Variants in ACSM3 observed in about 807,000 individuals in gnomAD.
ACSM3 encodes acyl-coenzyme A synthetase ACSM3, mitochondrial.
Under a neutral mutation model 74.1 loss-of-function variants are expected in ACSM3, and 61 were observed. The observed-to-expected ratio is 0.82, with a 90% confidence interval of 0.67 to 1.02. The LOEUF (loss-of-function observed/expected upper bound fraction) is 1.02. ACSM3 is among the 50% of genes least tolerant of loss of function. The probability of loss-of-function intolerance (pLI) is 0.00; values close to 1 mark genes in which losing one functional copy is unlikely to be tolerated. For synonymous variants in ACSM3, 213 were observed against 241.5 expected (o/e 0.88, Z 1.09); for missense variants, 660 against 697.0 (o/e 0.95, Z 0.60).
chr16:20,708,602 G>A (rs1386340268), intron 1 of ACSM3, among the ~76,000 whole-genome samples: 1 of 151,788 alleles, frequency 6.6e-6, no homozygotes, highest in African/African-American at 2.4e-5. Context: ...AAACACTGAT[G>A]GAAAAAATTG....
chr16:20,770,546 G>A (rs187498511), intron 2 of ACSM3, among the ~76,000 whole-genome samples: 1 of 151,850 alleles, frequency 6.6e-6, no homozygotes, highest in African/African-American at 2.4e-5. Flanking sequence ...AAAAAAAGGA[G>A]AAGAGTGAAA....
intron 1 of ACSM3, among the ~76,000 whole-genome samples, chr16:20,745,452 G>A (rs2079953655): frequency 6.6e-6 from 1 of 152,110 alleles, no homozygotes; most frequent in South Asian, 2.1e-4. Flanking sequence ...GCATGGTGGT[G>A]CATGCCTGTA....
intron 9 of ACSM3, among the ~76,000 whole-genome samples, chr16:20,789,248 T>C (rs77688657): frequency 0.05 from 7,562 of 152,278 alleles, 417 homozygotes; most frequent in African/African-American, 0.13. Context: ...AGCTCAATCA[T>C]GCACAGTGTT....
At chr16:20,774,239 C>CTTTT (rs71377684) in intron 2 of ACSM3, among the ~76,000 whole-genome samples, 51 of 113,994 alleles carry the variant, frequency 4.5e-4, no homozygotes, top group East Asian at 1.0e-3. Context: ...TTTTCTGTGT[C>CTTTT]TTTTTTTTTT....
intron 1 of ACSM3, among the ~76,000 whole-genome samples, chr16:20,715,942 C>T (rs1021617832): frequency 6.6e-6 from 1 of 152,266 alleles, no homozygotes; most frequent in Admixed American, 6.5e-5. Context: ...GGCAGGTTCA[C>T]CCTCAAGTCA....
chr16:20,717,977 A>C (rs972393277), intron 1 of ACSM3, among the ~76,000 whole-genome samples: 1 of 121,474 alleles, frequency 8.2e-6, no homozygotes, highest in African/African-American at 3.2e-5. Context: ...AAGAAGAAGA[A>C]GAAGAAGAAG....
At chr16:20,678,051 A>ATAAATAAATAAAT (rs1752444851) in intron 1 of ACSM3, among the ~76,000 whole-genome samples, 2 of 92,516 alleles carry the variant, frequency 2.2e-5, no homozygotes, top group African/African-American at 1.3e-4. Flanking sequence ...AATGAGACAA[A>ATAAATAAATAAAT]GAGGCAAAGC....
chr16:20,718,922 C>T lies in ACSM3; in HGVS notation c.-189-30988C>T, dbSNP rs370439445. On this transcript the variant is annotated intron_variant, in intron 1 of 3. Coordinates refer to the ACSM3 transcript ENST00000561584. ...TAAAATAAGAGCAGAGGTCTGGTCT[C>T]TTGCTCACTGCTGTAGAACAGTGCT... Among the ~76,000 whole-genome samples, 139 of 152,346 alleles carry T rather than the reference C, an allele frequency of 9.1e-4. 4 individuals are homozygous for T. In the South Asian group the frequency reaches 0.028, roughly 31 times the overall value.
chr16:20,784,075 G>A (rs2080415487), intron 7 of ACSM3, among the ~76,000 whole-genome samples: 1 of 152,034 alleles, frequency 6.6e-6, no homozygotes, highest in African/African-American at 2.4e-5. Context: ...CAAAGTGCTG[G>A]GATTACAGGT....
intron 1 of ACSM3, among the ~76,000 whole-genome samples, chr16:20,730,813 C>G (rs1048549426): frequency 6.6e-6 from 1 of 152,098 alleles, no homozygotes. Context: ...AGGCAAAAAA[C>G]GACCTTATAG....
At chr16:20,769,464 C>T (rs2080164935) in intron 1 of ACSM3, among the ~76,000 whole-genome samples, 1 of 152,240 alleles carries the variant, frequency 6.6e-6, no homozygotes, top group African/African-American at 2.4e-5. Context: ...TAAACTGTGA[C>T]AGTGCTTTCA....
rs115732589 is a variant in ACSM3, at chr16:20,766,372, G to T, written c.-52+2247G>T. Reference sequence around the variant, plus strand: ...TGTTAAAAGAAAAAAATCAGAACAGGGCTGAGTGTGGTGGCTCCCACCTGT... The same window carrying T: ...TGTTAAAAGAAAAAAATCAGAACAGTGCTGAGTGTGGTGGCTCCCACCTGT... On this transcript the variant is annotated intron_variant, in intron 1 of 13. Transcript: ENST00000289416. Among the ~76,000 whole-genome samples, 562 of 152,128 alleles carry T rather than the reference G, an allele frequency of 3.7e-3. 3 individuals are homozygous for T. Among genetic ancestry groups the T allele is most frequent in the African/African-American group, 0.013 (528 of 41,454 alleles).
rs145683363 is a variant in ACSM3 at position 20,776,162 on chromosome 16, G to A, written c.430+113G>A. The stretch of plus-strand genomic sequence containing the variant: ...TTTGTTGTGGGCTTATTGTCAAAGA[G>A]TGCCTTTAAATTATATAAAAGTTAG... On this transcript the variant is annotated intron_variant, in intron 3 of 13. Coordinates refer to ENST00000289416, the MANE Select transcript of ACSM3 (RefSeq NM_005622.4). 322 of 1,176,900 alleles carry A rather than the reference G, an allele frequency of 2.7e-4. No homozygotes were observed. The African/African-American group carries it at 4.4e-3, about 16-fold the overall frequency. The allele number at this position is 1,176,900 out of a possible 1,614,324, so 72.9% of individuals were successfully genotyped here. A position where few individuals can be genotyped will look rare whatever the true frequency, so the allele number is the denominator to read the frequency against.
Position 20,790,997 on chromosome 16 carries a change from T to C in ACSM3, c.1326+309T>C. On this transcript the variant is annotated intron_variant, in intron 10 of 13. Coordinates refer to ENST00000289416, the MANE Select transcript of ACSM3 (RefSeq NM_005622.4). The surrounding 1 kb of genome is among the most constrained non-coding windows in gnomAD (Gnocchi z 4.0). ...CAATTATCAAACAAAACCCACTCAT[T>C]TTCCTGAAATCCAGTTAGTGCTCTT... 6.5e-7 allele frequency: 1 copy of C among 1,535,640 alleles called. No individual in the cohort carries two copies. The highest frequency in any genetic ancestry group is 8.9e-7 in the Non-Finnish European group (1 of 1,122,014).
chr16:20,796,584 CT>C (rs1428351697), intron 13 of ACSM3, 95 bp downstream of exon 13: 73 of 1,572,658 alleles, frequency 4.6e-5, no homozygotes, highest in Non-Finnish European at 5.7e-5. Context: ...TTCACACATG[CT>C]GCACCACATG....
chr16:20,781,926 C>T, intron 7 of ACSM3, 139 bp downstream of exon 7: 2 of 644,190 alleles, frequency 3.1e-6, no homozygotes, highest in Non-Finnish European at 5.4e-6. Context: ...CCTCTTTCTC[C>T]TTCTTGCCTG....
In ACSM3 at chr16:20,767,465, C is replaced by CGAGATCGCG. The variant is rs1331959497; in HGVS notation, c.-51-2518_-51-2510dup. 2.3e-4 allele frequency among the ~76,000 whole-genome samples: 3 copies of CGAGATCGCG among 13,292 alleles called. 1 individual carries two copies. Among genetic ancestry groups the CGAGATCGCG allele is most frequent in the Admixed American group, 6.6e-4 (1 of 1,508 alleles). 8.7% of individuals were successfully genotyped at this position (13,292 alleles called of 152,430 possible). A position where few individuals can be genotyped will look rare whatever the true frequency, so the allele number is the denominator to read the frequency against. ...CCGGGAGGCGGAGCTTGCAGTGAGC[C>CGAGATCGCG]GAGATCGCGCCACTGCACTCCAGCC... On this transcript the variant is annotated intron_variant, in intron 1 of 13. Transcript: ENST00000289416.
intron 12 of ACSM3, among the ~76,000 whole-genome samples, chr16:20,793,488 T>A (rs2080649225): frequency 6.7e-6 from 1 of 148,266 alleles, no homozygotes; most frequent in African/African-American, 2.5e-5. Flanking sequence ...AAAATAAAAA[T>A]AAAAAAGTTT....
chr16:20,684,336 A>C (rs533048012), intron 1 of ACSM3, among the ~76,000 whole-genome samples: 52 of 152,332 alleles, frequency 3.4e-4, no homozygotes, highest in African/African-American at 1.2e-3. Context: ...CACACAATGA[A>C]TTATTTATTA....
Sources: gnomAD v4.1 joint callset for allele counts (sites outside exome capture counted in the v4.1 genomes callset) on GRCh38, gnomAD v4.1.1 for gene constraint, Gnocchi (gnomAD v3.1) non-coding constraint, MANE v1.5 for transcripts, NCBI Gene and HGNC (gene_info 2026-07-23, HGNC 2026-07-21) for gene names.